Variants in MCTP2 observed in about 807,000 individuals in gnomAD.
The protein encoded by MCTP2 is multiple C2 and transmembrane domain containing 2.
A neutral mutation model predicts 111.6 loss-of-function variants in MCTP2; 132 were observed. That is an observed-to-expected ratio of 1.18 (90% CI 1.03 to 1.37). MCTP2 has a LOEUF of 1.37. Ranked by LOEUF, MCTP2 falls within the 40% of genes most tolerant of loss-of-function variation. The pLI is 0.00. For missense variants in MCTP2, 1,183 were observed against 1,067.9 expected (o/e 1.11, Z -1.50); for synonymous variants, 395 against 387.7 (o/e 1.02, Z -0.22).
chr15:94,258,548 T>G (rs1223837394), intron 1 of MCTP2, among the ~76,000 whole-genome samples: 1 of 152,170 alleles, frequency 6.6e-6, no homozygotes. Flanking sequence ...TTTATTGAAA[T>G]TAATAGTTAA....
rs2077562111 is a variant in MCTP2, at chr15:94,340,240, T to C, written c.822T>C (p.Ser274=). 6.2e-7 allele frequency: 1 copy of C among 1,613,174 alleles called. No homozygotes were observed. The highest frequency in any genetic ancestry group is 1.3e-5 in the African/African-American group (1 of 74,924). The change falls in exon 6 of 23, where the codon TCT becomes TCC. Residue 274 remains serine, a synonymous_variant. Transcript: ENST00000357742. The stretch of plus-strand genomic sequence containing the variant: ...TAACCACATCTGATTTCATGGGTTC[T>C]GCATTTGTCATTCTCAGTGATCTTG... ...RDLTTSDFMG[S]AFVILSDLEL...
intron 17 of MCTP2, chr15:94,403,101 G>T (rs2081686530): frequency 7.1e-6 from 7 of 986,464 alleles, no homozygotes; most frequent in Non-Finnish European, 8.4e-6. Context: ...CTTTGCCATT[G>T]GGGGGTATTT....
rs551685900 is a variant in MCTP2 at position 94,329,045 on chromosome 15, C to T, written c.638-10245C>T. ...CTCAGGGCTCCAGGCACAAGGGTCC[C>T]AGCACAAGGCAGAAGCTGCGTCATC... On this transcript the variant is annotated intron_variant, in intron 4 of 22. Transcript: ENST00000357742. 7.4e-4 allele frequency among the ~76,000 whole-genome samples: 112 copies of T among 152,246 alleles called. 2 individuals are homozygous for T. The South Asian group carries it at 9.3e-3, about 13-fold the overall frequency.
intron 1 of MCTP2, among the ~76,000 whole-genome samples, chr15:94,282,105 T>A (rs1042692682): frequency 2.0e-5 from 3 of 152,184 alleles, no homozygotes; most frequent in Non-Finnish European, 2.9e-5. Context: ...GTCTGGGAAT[T>A]TTCATGGATA....
At chr15:94,464,371 G>GATTTAATTTTGTTTATAACATCCTCTT (rs2085466328) in intron 20 of MCTP2, among the ~76,000 whole-genome samples, 1 of 133,892 alleles carries the variant, frequency 7.5e-6, no homozygotes, top group Non-Finnish European at 1.6e-5. Flanking sequence ...TCTACTTGTT[G>GATTTAATTTTGTTTATAACATCCTCTT]ATTTAATGTT....
intron 1 of MCTP2, among the ~76,000 whole-genome samples, chr15:94,282,992 G>A (rs770170645): frequency 6.6e-6 from 1 of 152,126 alleles, no homozygotes; most frequent in Non-Finnish European, 1.5e-5. Context: ...CCAGTGGGGC[G>A]GTGGTGTGTC....
At chr15:94,307,770 G>C (rs2075955512) in intron 2 of MCTP2, among the ~76,000 whole-genome samples, 1 of 152,088 alleles carries the variant, frequency 6.6e-6, no homozygotes, top group Admixed American at 6.5e-5. Context: ...CAGGCTGATG[G>C]GCTGTGGGCA....
intron 4 of MCTP2, among the ~76,000 whole-genome samples, chr15:94,319,561 C>T (rs1277864765): frequency 6.6e-6 from 1 of 152,144 alleles, no homozygotes; most frequent in Non-Finnish European, 1.5e-5. Context: ...TGCTGCTGGC[C>T]CAGGAACCAC....
chr15:94,306,484 G>C (rs922407052), intron 2 of MCTP2, among the ~76,000 whole-genome samples: 1 of 152,288 alleles, frequency 6.6e-6, no homozygotes, highest in African/African-American at 2.4e-5. Flanking sequence ...AGAACTGTGG[G>C]TATAACATGA....
At chr15:94,367,900 C>G in intron 11 of MCTP2, 109 bp downstream of exon 11, 1 of 980,184 alleles carries the variant, frequency 1.0e-6, no homozygotes, top group Non-Finnish European at 1.4e-6. Flanking sequence ...CAAAAGAGAT[C>G]TTTGTCCCAA....
intron 9 of MCTP2, 82 bp downstream of exon 9, chr15:94,356,383 C>A: frequency 7.7e-7 from 1 of 1,298,450 alleles, no homozygotes; most frequent in Non-Finnish European, 1.0e-6. Flanking sequence ...TTAAATTTTA[C>A]AAAAGTAGAA....
intron 4 of MCTP2, among the ~76,000 whole-genome samples, chr15:94,317,512 C>T (rs929272931): frequency 2.6e-5 from 4 of 152,200 alleles, no homozygotes; most frequent in African/African-American, 9.7e-5. Context: ...AGCCTCAAGG[C>T]ATAGGACAGT....
intron 10 of MCTP2, among the ~76,000 whole-genome samples, chr15:94,362,853 G>C (rs910382018): frequency 6.6e-6 from 1 of 152,212 alleles, no homozygotes; most frequent in Admixed American, 6.5e-5. Context: ...TGGGATTAAT[G>C]GAGAAAGACA....
At chr15:94,336,390 G>A (rs2077361782) in intron 4 of MCTP2, among the ~76,000 whole-genome samples, 1 of 151,934 alleles carries the variant, frequency 6.6e-6, no homozygotes, top group South Asian at 2.1e-4. Flanking sequence ...TGGACTTTGT[G>A]TTATATTTCT....
At chr15:94,453,777 G>A (rs2084623344) in intron 19 of MCTP2, among the ~76,000 whole-genome samples, 1 of 151,982 alleles carries the variant, frequency 6.6e-6, no homozygotes, top group African/African-American at 2.4e-5. Context: ...TCTACCCTGG[G>A]GCCTTGACTT....
chr15:94,464,657 A>G (rs1370849842), intron 20 of MCTP2, among the ~76,000 whole-genome samples: 2 of 151,886 alleles, frequency 1.3e-5, no homozygotes, highest in African/African-American at 2.4e-5. Flanking sequence ...AGGCTCTACA[A>G]TTTCCTGTAA....
At chr15:94,404,494 G>C (rs2081795093) in intron 17 of MCTP2, among the ~76,000 whole-genome samples, 1 of 151,888 alleles carries the variant, frequency 6.6e-6, no homozygotes, top group Admixed American at 6.6e-5. Flanking sequence ...TAGAGACGGG[G>C]TTTCGTCATA....
At chr15:94,243,929 A>C (rs1050927078) in intron 1 of MCTP2, among the ~76,000 whole-genome samples, 1 of 54,980 alleles carries the variant, frequency 1.8e-5, no homozygotes, top group Non-Finnish European at 4.8e-5. Flanking sequence ...ATTTACACAT[A>C]TGTGTACACA....
chr15:94,386,927 C>T (rs1038780798), intron 14 of MCTP2, among the ~76,000 whole-genome samples: 2 of 152,250 alleles, frequency 1.3e-5, no homozygotes, highest in South Asian at 4.1e-4. Context: ...TTCCCCAAAC[C>T]CTTACCCGAT....
Sources: allele counts gnomAD v4.1 joint callset (sites outside exome capture counted in the v4.1 genomes callset), GRCh38; gene constraint gnomAD v4.1.1; transcripts MANE v1.5; gene names NCBI Gene and HGNC (gene_info 2026-07-23, HGNC 2026-07-21).